Variants in HCN1 observed in about 807,000 individuals in gnomAD.
HCN1 encodes the protein hyperpolarization activated cyclic nucleotide gated potassium channel 1.
Under a neutral mutation model 78.9 loss-of-function variants are expected in HCN1, and 13 were observed. The ratio of observed to expected loss-of-function variants is 0.16; its 90% CI spans 0.11 to 0.26. The LOEUF is 0.26. Ranked by LOEUF, HCN1 falls within the 10% of genes least tolerant of loss-of-function variation. HCN1 has a pLI of 1.00. For missense variants in HCN1, 810 were observed against 1,154.3 expected, an observed-to-expected ratio of 0.70 and a Z score of 4.32; for synonymous variants, 552 against 455.5, an observed-to-expected ratio of 1.21 and a Z score of -2.70.
chr5:45,466,510 C>A (rs1382800495), intron 2 of HCN1, among the ~76,000 whole-genome samples: 1 of 151,992 alleles, frequency 6.6e-6, no homozygotes, highest in Non-Finnish European at 1.5e-5. Context: ...TGACAGAGAA[C>A]ATTCTATTTT....
At chr5:45,461,483 A>G (rs576291428) in intron 3 of HCN1, among the ~76,000 whole-genome samples, 1 of 152,200 alleles carries the variant, frequency 6.6e-6, no homozygotes, top group South Asian at 2.1e-4. Flanking sequence ...AACCTAGTGA[A>G]AGCTAAAAAA....
chr5:45,470,455 G>A (rs1741368040), intron 2 of HCN1, among the ~76,000 whole-genome samples: 1 of 151,868 alleles, frequency 6.6e-6, no homozygotes, highest in Non-Finnish European at 1.5e-5. Context: ...AAATTTGCTA[G>A]CACCCCAAGA....
At chr5:45,602,995 A>C (rs1380134718) in intron 2 of HCN1, among the ~76,000 whole-genome samples, 1 of 152,156 alleles carries the variant, frequency 6.6e-6, no homozygotes, top group Non-Finnish European at 1.5e-5. Context: ...AAACAGTTAC[A>C]GTGGTTATAC....
intron 1 of HCN1, among the ~76,000 whole-genome samples, chr5:45,672,095 A>G (rs1746163003): frequency 6.6e-6 from 1 of 151,624 alleles, no homozygotes; most frequent in African/African-American, 2.4e-5. Flanking sequence ...ATTATTCAAC[A>G]CTGCACCTAC....
intron 5 of HCN1, among the ~76,000 whole-genome samples, chr5:45,350,572 A>G (rs1223517001): frequency 6.6e-6 from 1 of 151,580 alleles, no homozygotes; most frequent in Non-Finnish European, 1.5e-5. Flanking sequence ...TTAGGAAAAG[A>G]GGAAGTCAAA....
At chr5:45,506,637 C>G (rs1742307373) in intron 2 of HCN1, among the ~76,000 whole-genome samples, 1 of 152,034 alleles carries the variant, frequency 6.6e-6, no homozygotes, top group South Asian at 2.1e-4. Context: ...GGATGTATTT[C>G]TTAATTTTTT....
intron 6 of HCN1, among the ~76,000 whole-genome samples, chr5:45,269,063 C>A (rs988290995): frequency 6.6e-6 from 1 of 152,220 alleles, no homozygotes; most frequent in East Asian, 1.9e-4. Flanking sequence ...AAGCCACATA[C>A]TGTGTGATTC....
At chr5:45,638,546 T>C (rs892790322) in intron 2 of HCN1, among the ~76,000 whole-genome samples, 6 of 152,236 alleles carry the variant, frequency 3.9e-5, no homozygotes, top group Admixed American at 3.9e-4. Flanking sequence ...AGAGCATTCA[T>C]AAAATTAAGC....
At position 45,488,678 on chromosome 5, in the gene HCN1, G is replaced by T. The variant is rs548278920; in HGVS notation, c.850-26671C>A. Among the ~76,000 whole-genome samples, 13 of 152,202 alleles carry T rather than the reference G, an allele frequency of 8.5e-5. 1 individual carries two copies. The South Asian group carries it at 2.7e-3, about 32-fold the overall frequency. ...TGGAAGCAATTCAGAAACTTCAAAG[G>T]TTGCAGTCCTACTGAGAAAGATGTA... On this transcript the variant is annotated intron_variant, in intron 2 of 7. Coordinates refer to ENST00000303230, the MANE Select transcript of HCN1 (RefSeq NM_021072.4).
chr5:45,445,318 C>T (rs531395975), intron 3 of HCN1, among the ~76,000 whole-genome samples: 3 of 152,292 alleles, frequency 2.0e-5, no homozygotes, highest in African/African-American at 4.8e-5. Flanking sequence ...TGCAAGGCGG[C>T]AGTGAGGCTA....
At chr5:45,566,440 A>G (rs1221267698) in intron 2 of HCN1, among the ~76,000 whole-genome samples, 1 of 152,140 alleles carries the variant, frequency 6.6e-6, no homozygotes, top group Non-Finnish European at 1.5e-5. Flanking sequence ...TTTTTCATTT[A>G]GGTCACAATT....
At chr5:45,546,203 T>C (rs772894321) in intron 2 of HCN1, among the ~76,000 whole-genome samples, 19 of 152,028 alleles carry the variant, frequency 1.2e-4, no homozygotes, top group Non-Finnish European at 2.6e-4. Flanking sequence ...ATTCCTCTTC[T>C]TTTCTTCTGT....
intron 2 of HCN1, among the ~76,000 whole-genome samples, chr5:45,527,488 A>C (rs184247136): frequency 6.6e-6 from 1 of 151,604 alleles, no homozygotes; most frequent in East Asian, 2.0e-4. Context: ...TCAGTTGTCT[A>C]TCAGAAATCT....
chr5:45,472,074 T>C (rs1741403322), intron 2 of HCN1, among the ~76,000 whole-genome samples: 1 of 151,976 alleles, frequency 6.6e-6, no homozygotes, highest in Non-Finnish European at 1.5e-5. Flanking sequence ...ATGTGGTCTC[T>C]GTACTACCAT....
chr5:45,410,058 G>T (rs1442940134), intron 3 of HCN1, among the ~76,000 whole-genome samples: 1 of 151,846 alleles, frequency 6.6e-6, no homozygotes, highest in African/African-American at 2.4e-5. Context: ...CATTATATTT[G>T]CATAATCATA....
At chr5:45,569,109 C>T (rs1743775035) in intron 2 of HCN1, among the ~76,000 whole-genome samples, 1 of 152,114 alleles carries the variant, frequency 6.6e-6, no homozygotes, top group Admixed American at 6.6e-5. Flanking sequence ...TCTGAACAGA[C>T]AGACCTTGCT....
intron 1 of HCN1, among the ~76,000 whole-genome samples, chr5:45,686,367 T>G (rs1580050369): frequency 6.6e-6 from 1 of 152,270 alleles, no homozygotes; most frequent in South Asian, 2.1e-4. Context: ...GTTTAGTTCA[T>G]ATTTCAAAGA....
chr5:45,445,756 C>A (rs973287989), intron 3 of HCN1, among the ~76,000 whole-genome samples: 2 of 152,162 alleles, frequency 1.3e-5, no homozygotes, highest in African/African-American at 4.8e-5. Flanking sequence ...GCAGACACCG[C>A]TGCTGATACC....
At chr5:45,507,809 G>T (rs904620091) in intron 2 of HCN1, among the ~76,000 whole-genome samples, 1 of 152,038 alleles carries the variant, frequency 6.6e-6, no homozygotes, top group African/African-American at 2.4e-5. Context: ...TGAAAAATCT[G>T]CAGTAATTCC....
Sources: gnomAD v4.1 joint callset for allele counts (sites outside exome capture counted in the v4.1 genomes callset) on GRCh38, gnomAD v4.1.1 for gene constraint, MANE v1.5 for transcripts, NCBI Gene and HGNC (gene_info 2026-07-23, HGNC 2026-07-21) for gene names.